GON4L: variants seen among roughly 807,000 people sequenced by gnomAD.
GON4L encodes GON-4-like protein.
Under a neutral mutation model 211.8 loss-of-function variants are expected in GON4L, and 87 were observed. That is an observed-to-expected ratio of 0.41 (90% CI 0.35 to 0.49). The LOEUF (loss-of-function observed/expected upper bound fraction) is 0.49, where lower values mean the gene tolerates loss of function less well. Ranked by LOEUF, GON4L falls within the 20% of genes least tolerant of loss-of-function variation. The probability of loss-of-function intolerance (pLI) is 0.15; values close to 1 mark genes in which losing one functional copy is unlikely to be tolerated. For missense variants in GON4L, 2,155 were observed against 2,659.5 expected (o/e 0.81, Z 4.17); for synonymous variants, 875 against 962.6 (o/e 0.91, Z 1.68).
At chr1:155,817,036 G>C (rs1668314945) in intron 6 of GON4L, among the ~76,000 whole-genome samples, 1 of 152,030 alleles carries the variant, frequency 6.6e-6, no homozygotes, top group South Asian at 2.1e-4. Flanking sequence ...CTGTTGCCTA[G>C]GCTAGAGCAG....
rs369040451 is a variant in GON4L, at chr1:155,762,307, C to G, written c.4794G>C (p.Arg1598=). The G allele has an allele frequency of 1.1e-5, 17 of 1,613,654 alleles. No individual in the cohort carries two copies. Among genetic ancestry groups the G allele is most frequent in the African/African-American group, 4.0e-5 (3 of 74,926 alleles). The change falls in exon 23 of 32, where the codon CGG becomes CGC. Residue 1598 remains arginine (R), a synonymous_variant. Coordinates refer to ENST00000368331, the MANE Select transcript of GON4L (RefSeq NM_001282860.2). ...NHRARNKRGS[R]ARASKDTSKL... ...TGGAGGTGTCCTTGCTGGCCCGAGCCCGACTTCCCCGCTTGTTGCGAGCTC... is the reference window on the plus strand; with the variant it reads ...TGGAGGTGTCCTTGCTGGCCCGAGCGCGACTTCCCCGCTTGTTGCGAGCTC...
intron 27 of GON4L, among the ~76,000 whole-genome samples, chr1:155,754,928 A>G (rs1256104329): frequency 1.6e-5 from 2 of 125,808 alleles, no homozygotes; most frequent in Admixed American, 8.5e-5. Flanking sequence ...TTTTTTTGAG[A>G]TAAGGTCTGG....
In GON4L at chr1:155,777,607, C is replaced by T; in HGVS notation, c.2091+15G>A. The T allele has an allele frequency of 1.2e-6, 2 of 1,600,344 alleles. No individual in the cohort carries two copies. Among genetic ancestry groups the T allele is most frequent in the South Asian group, 2.2e-5 (2 of 90,800 alleles). ...AAAAAAAATCCAATGTTAACATGAC[C>T]AAGAAAAGTCCTACCTGCTGCATCT... On this transcript the variant is annotated intron_variant, in intron 15 of 31. Transcript: ENST00000368331.
At position 155,821,528 on chromosome 1, in the gene GON4L, G is replaced by A. The variant is rs1197549800; in HGVS notation, c.909C>T (p.His303=). 5 of 1,602,398 alleles carry A rather than the reference G, an allele frequency of 3.1e-6. No individual in the cohort carries two copies. Among genetic ancestry groups the A allele is most frequent in the Non-Finnish European group, 4.3e-6 (5 of 1,169,704 alleles). Residue 303 remains histidine, a synonymous_variant, in exon 5 of 32, where the codon CAC becomes CAT. Coordinates refer to ENST00000368331, the MANE Select transcript of GON4L (RefSeq NM_001282860.2). ...TGGCTGCTTTCATCATAGCTACCAC[G>A]TGTTCATTTGTGATTACTTCCTGGA... is the stretch of plus-strand genomic sequence containing the variant. The part of the protein sequence containing the change: ...NILHEVITNE[H]VVAMMKAAIS...
chr1:155,773,332 T>A lies in GON4L; in HGVS notation c.2351-122A>T, dbSNP rs2101817528. 3 of 1,084,402 alleles carry A rather than the reference T, an allele frequency of 2.8e-6. No homozygotes were observed. The South Asian group carries it at 4.2e-5, about 15-fold the overall frequency. The allele number at this position is 1,084,402 out of a possible 1,614,324, so 67.2% of individuals were successfully genotyped here. ...CCTTACCTAACTTGATTCCCTCCCA[T>A]CTGCCCACCATCCCCCCAAAAGTTT... On this transcript the variant is annotated intron_variant, in intron 17 of 31. Coordinates refer to ENST00000368331, the MANE Select transcript of GON4L (RefSeq NM_001282860.2).
rs574649745 is a variant in GON4L, at chr1:155,815,501, G to A, written c.1161+304C>T. 7.2e-5 allele frequency among the ~76,000 whole-genome samples: 11 copies of A among 152,136 alleles called. 1 individual carries two copies. In the East Asian group the frequency reaches 1.9e-3, roughly 27 times the overall value. On this transcript the variant is annotated intron_variant, in intron 8 of 31. Transcript: ENST00000368331. ...AGGGGGAGGGAGGTGATTGTGACTG[G>A]GGAGGGTATACAGGGGTTGTCCTAG...
intron 23 of GON4L, 123 bp from the exon 24 acceptor site, chr1:155,760,764 C>A: frequency 1.5e-6 from 1 of 657,608 alleles, no homozygotes; most frequent in South Asian, 1.8e-5. Context: ...AGAGGCTGTG[C>A]CTCCAACAGA....
chr1:155,749,235 A>C (rs2101584367), downstream of GON4L: 1 of 1,526,136 alleles, frequency 6.6e-7, no homozygotes, highest in Non-Finnish European at 8.9e-7. Flanking sequence ...CTGGGCAACA[A>C]GAGCAAAACT....
downstream of GON4L, among the ~76,000 whole-genome samples, chr1:155,745,158 T>C (rs965555081): frequency 1.3e-5 from 2 of 152,246 alleles, no homozygotes; most frequent in Non-Finnish European, 2.9e-5. Flanking sequence ...TCAGTGGTGG[T>C]GTATTCATAC....
intron 11 of GON4L, 87 bp downstream of exon 11, chr1:155,804,862 C>T: frequency 1.1e-6 from 1 of 891,666 alleles, no homozygotes; most frequent in Non-Finnish European, 1.9e-6. Context: ...TTAACCCAAA[C>T]CATTCCATTC....
rs1571648092 is a variant in GON4L at position 155,763,573 on chromosome 1, C to A, written c.4474-9G>T. On this transcript the variant is annotated splice_polypyrimidine_tract_variant and intron_variant, in intron 21 of 31. Coordinates refer to ENST00000368331, the MANE Select transcript of GON4L (RefSeq NM_001282860.2). ...AGTTTCTCCATTGTTTCCTGTAAAA[C>A]CCTCCAAAGAGTACTTATAATGGCT... 2.0e-6 allele frequency: 3 copies of A among 1,538,180 alleles called. No homozygotes were observed. Among genetic ancestry groups the A allele is most frequent in the Middle Eastern group, 1.7e-4 (1 of 5,962 alleles).
rs1158157306 is a variant in GON4L at position 155,766,362 on chromosome 1, G to A, written c.3111C>T (p.Leu1037=). The A allele has an allele frequency of 1.2e-6, 2 of 1,614,032 alleles. No individual in the cohort carries two copies. The highest frequency in any genetic ancestry group is 1.7e-6 in the Non-Finnish European group (2 of 1,180,046). Residue 1037 remains leucine, a synonymous_variant, in exon 21 of 32, where the codon CTC becomes CTT. Transcript: ENST00000368331. ...CTGGCTGTATTGGGTGAGGAATCCG[G>A]AGCACCATTTTGCTCGGAGGGGCTT... ...HSEAPPSKMV[L]RIPHPIQPAT... is the part of the protein sequence containing the mutation.
intron 3 of GON4L, among the ~76,000 whole-genome samples, chr1:155,824,113 T>C (rs553975826): frequency 1.3e-5 from 2 of 151,986 alleles, no homozygotes; most frequent in Middle Eastern, 6.8e-3. Context: ...AACTGAAAAG[T>C]ATCCAAATGC....
At chr1:155,776,942 C>A (rs910078830) in intron 15 of GON4L, among the ~76,000 whole-genome samples, 5 of 152,106 alleles carry the variant, frequency 3.3e-5, no homozygotes, top group Non-Finnish European at 7.3e-5. Context: ...AGGATCTTGG[C>A]ATAAATCTCT....
chr1:155,763,933 G>A (rs546300880), intron 21 of GON4L, among the ~76,000 whole-genome samples: 16 of 151,664 alleles, frequency 1.1e-4, no homozygotes, highest in Non-Finnish European at 7.4e-5. Flanking sequence ...AACCCGGGAG[G>A]TGGAGGTTGC....
At chr1:155,753,115 G>C in intron 29 of GON4L, 89 bp downstream of exon 29, 1 of 969,814 alleles carries the variant, frequency 1.0e-6, no homozygotes, top group South Asian at 1.4e-5. Context: ...CCCTGAAAAG[G>C]CTATTTATCC....
chr1:155,770,023 TAAAAAAAAAAAAAAAAAAA>T (rs59380170), intron 19 of GON4L, among the ~76,000 whole-genome samples: 6 of 43,712 alleles, frequency 1.4e-4, no homozygotes, highest in Non-Finnish European at 2.1e-4. Flanking sequence ...CTCCATTTCT[TAAAAAAAAAAAAAAAAAAA>T]AAAAAAAAAA....
intron 27 of GON4L, among the ~76,000 whole-genome samples, chr1:155,754,903 CTTTTTT>C (rs112004109): frequency 9.6e-6 from 1 of 104,560 alleles, no homozygotes; most frequent in African/African-American, 3.7e-5. Context: ...TCTCCCCATG[CTTTTTT>C]TTTTTTTTTT....
chr1:155,759,346 C>A (rs1661523092), intron 24 of GON4L, among the ~76,000 whole-genome samples: 1 of 152,028 alleles, frequency 6.6e-6, no homozygotes, highest in African/African-American at 2.4e-5. Flanking sequence ...TCGAGGTGGG[C>A]AGATCACCTG....
Sources: gnomAD v4.1 joint callset for allele counts (sites outside exome capture counted in the v4.1 genomes callset) on GRCh38, gnomAD v4.1.1 for gene constraint, MANE v1.5 for transcripts, NCBI Gene and HGNC (gene_info 2026-07-23, HGNC 2026-07-21) for gene names.